ANO3: variants seen among roughly 807,000 people sequenced by gnomAD.
The protein encoded by ANO3 is anoctamin 3.
ANO3 carries 99 observed loss-of-function variants against 144.8 expected under a neutral mutation model. The observed-to-expected ratio is 0.68, with a 90% CI of 0.58 to 0.81. The LOEUF is 0.81. Ranked by LOEUF, ANO3 falls within the 30% of genes least tolerant of loss-of-function variation. The pLI is 0.00. For missense variants in ANO3, 905 were observed against 1,202.2 expected (o/e 0.75, Z 3.66); for synonymous variants, 414 against 392.6 (o/e 1.05, Z -0.64).
intron 1 of ANO3, among the ~76,000 whole-genome samples, chr11:26,355,052 C>G: frequency 6.8e-6 from 1 of 147,724 alleles, no homozygotes; most frequent in East Asian, 2.0e-4. Flanking sequence ...TTCATCTTAT[C>G]TGTCTCATTC....
At chr11:26,402,163 T>TAATGGTCC (rs1452686793) in intron 1 of ANO3, among the ~76,000 whole-genome samples, 59 of 152,184 alleles carry the variant, frequency 3.9e-4, no homozygotes, top group Non-Finnish European at 7.5e-4. Context: ...ATATACCCAG[T>TAATGGTCC]AATGGGATTG....
chr11:26,490,815 T>C (rs1468596222), intron 4 of ANO3, among the ~76,000 whole-genome samples: 1 of 152,216 alleles, frequency 6.6e-6, no homozygotes, highest in Admixed American at 6.5e-5. Context: ...GAAAGATAGA[T>C]GGAGTGTTTA....
chr11:26,199,691 A>C (rs1439657603), intron 1 of ANO3, among the ~76,000 whole-genome samples: 2 of 152,128 alleles, frequency 1.3e-5, no homozygotes, highest in African/African-American at 4.8e-5. Context: ...ATGGATTTTT[A>C]TCTTCCTTAG....
At chr11:26,649,017 C>T (rs1446259911) in intron 24 of ANO3, among the ~76,000 whole-genome samples, 3 of 152,098 alleles carry the variant, frequency 2.0e-5, no homozygotes, top group African/African-American at 7.2e-5. Flanking sequence ...TATTGCATAT[C>T]GTGGGGTCTT....
At chr11:26,659,159 G>A (rs1458169144) in intron 26 of ANO3, among the ~76,000 whole-genome samples, 1 of 136,222 alleles carries the variant, frequency 7.3e-6, no homozygotes, top group Non-Finnish European at 1.6e-5. Flanking sequence ...GTATTTGTGT[G>A]TGTATGTGTA....
intron 1 of ANO3, among the ~76,000 whole-genome samples, chr11:26,191,361 C>CACAT (rs1554920308): frequency 7.3e-5 from 11 of 150,826 alleles, no homozygotes; most frequent in Non-Finnish European, 1.0e-4. Flanking sequence ...CACACACACA[C>CACAT]ATATATATAT....
rs936918859 is a variant in ANO3 at position 26,541,847 on chromosome 11, A to G, written c.1033-100A>G. 1.1e-5 allele frequency: 13 copies of G among 1,147,446 alleles called. 1 individual carries two copies. In the South Asian group the frequency reaches 1.3e-4, roughly 12 times the overall value. 71.1% of individuals were successfully genotyped at this position (1,147,446 alleles called of 1,614,324 possible). Reference sequence around the variant, plus strand: ...AAGTTTATCATTTTTGAAGCTTTCAATAAGTTGTTAAATTATTCTGCAAGG... The same window carrying G: ...AAGTTTATCATTTTTGAAGCTTTCAGTAAGTTGTTAAATTATTCTGCAAGG... On this transcript the variant is annotated intron_variant, in intron 10 of 26. Coordinates refer to ENST00000256737, the MANE Select transcript of ANO3 (RefSeq NM_031418.4).
At chr11:26,485,271 C>T (rs6484214) in intron 4 of ANO3, among the ~76,000 whole-genome samples, 98,875 of 151,966 alleles carry the variant, frequency 0.65, 33,197 homozygotes, top group Middle Eastern at 0.77. Flanking sequence ...TTTCCAGTGT[C>T]GGAGGACAGA....
rs567171690 is a variant in ANO3, at chr11:26,333,486, A to G, written c.46+1165A>G. The stretch of plus-strand genomic sequence containing the variant: ...TTTAGTAGAGACGGGGTTTCACCGT[A>G]TTAGCCAGGATGGCCTCCATCTCCT... On this transcript the variant is annotated intron_variant, in intron 1 of 26. Transcript: ENST00000256737. Among the ~76,000 whole-genome samples the G allele has an allele frequency of 3.1e-3, 468 of 152,030 alleles. 2 individuals are homozygous for G. Among genetic ancestry groups the G allele is most frequent in the African/African-American group, 0.01 (423 of 41,494 alleles).
At chr11:26,363,843 G>A (rs1855992354) in intron 1 of ANO3, among the ~76,000 whole-genome samples, 3 of 150,458 alleles carry the variant, frequency 2.0e-5, no homozygotes, top group Admixed American at 6.6e-5. Context: ...AAAAAAAAGA[G>A]ATTAAACCAA....
At chr11:26,296,878 C>G (rs986829928) in intron 1 of ANO3, among the ~76,000 whole-genome samples, 7 of 152,074 alleles carry the variant, frequency 4.6e-5, no homozygotes, top group African/African-American at 1.7e-4. Context: ...CTTTGAGTAT[C>G]AGGAACTTGA....
Position 26,442,131 on chromosome 11 carries a change from T to C in ANO3, c.241+19T>C, listed in dbSNP as rs766914578. On this transcript the variant is annotated intron_variant, in intron 2 of 26. Transcript: ENST00000256737. ...GAGCAAGGTGAGCAGCAATTCCTATTTTCTTGTTCAATTTATAAAAACTAC... is the reference window on the plus strand; with the variant it reads ...GAGCAAGGTGAGCAGCAATTCCTATCTTCTTGTTCAATTTATAAAAACTAC... 19 of 1,599,942 alleles carry C rather than the reference T, an allele frequency of 1.2e-5. No homozygotes were observed. The highest frequency in any genetic ancestry group is 1.7e-6 in the Non-Finnish European group (2 of 1,175,434).
At chr11:26,586,336 C>T (rs1006442351) in intron 14 of ANO3, among the ~76,000 whole-genome samples, 6 of 143,496 alleles carry the variant, frequency 4.2e-5, no homozygotes, top group Non-Finnish European at 9.0e-5. Context: ...CTGGGGCTGT[C>T]GTTAATGCTC....
chr11:26,608,757 G>C (rs559894179), intron 17 of ANO3, among the ~76,000 whole-genome samples: 96 of 152,234 alleles, frequency 6.3e-4, no homozygotes, highest in Admixed American at 1.7e-3. Flanking sequence ...GTTGGGCTGT[G>C]GGGGACACCT....
At chr11:26,616,059 A>C (rs1365937842) in intron 17 of ANO3, among the ~76,000 whole-genome samples, 1 of 152,214 alleles carries the variant, frequency 6.6e-6, no homozygotes, top group Admixed American at 6.5e-5. Flanking sequence ...CCACTGTGAT[A>C]ATTTTCAGTA....
intron 12 of ANO3, among the ~76,000 whole-genome samples, chr11:26,549,609 C>G (rs1196324775): frequency 6.6e-6 from 1 of 151,780 alleles, no homozygotes; most frequent in Non-Finnish European, 1.5e-5. Context: ...TTGCCCTGCA[C>G]TTAATTATAG....
chr11:26,351,588 A>C (rs1268059713), intron 1 of ANO3, among the ~76,000 whole-genome samples: 1 of 152,196 alleles, frequency 6.6e-6, no homozygotes, highest in African/African-American at 2.4e-5. Flanking sequence ...GGTCATAGAG[A>C]ATTTATAGAC....
At chr11:26,553,651 T>C (rs1409365192) in intron 13 of ANO3, among the ~76,000 whole-genome samples, 1 of 152,166 alleles carries the variant, frequency 6.6e-6, no homozygotes, top group East Asian at 1.9e-4. Context: ...TGCTACTTAC[T>C]AAATGTGTAC....
At chr11:26,371,123 C>G (rs932085158) in intron 1 of ANO3, among the ~76,000 whole-genome samples, 1 of 152,102 alleles carries the variant, frequency 6.6e-6, no homozygotes, top group Non-Finnish European at 1.5e-5. Flanking sequence ...TTTAGTGGAC[C>G]AGGCCAAGGG....
Sources: allele counts gnomAD v4.1 joint callset (sites outside exome capture counted in the v4.1 genomes callset), GRCh38; gene constraint gnomAD v4.1.1; transcripts MANE v1.5; gene names NCBI Gene and HGNC (gene_info 2026-07-23, HGNC 2026-07-21).